The following DCC variants were observed in gnomAD, a reference collection of about 807,000 sequenced individuals.
The protein encoded by DCC is DCC netrin 1 receptor.
A neutral mutation model predicts 172.5 loss-of-function variants in DCC; 58 were observed. The ratio of observed to expected loss-of-function variants is 0.34; its 90% CI spans 0.27 to 0.42. The LOEUF (loss-of-function observed/expected upper bound fraction) is 0.42. Ranked by LOEUF, DCC falls within the 10% of genes least tolerant of loss-of-function variation. The pLI, the probability that DCC is intolerant of heterozygous loss-of-function variation, is 1.00. For missense variants in DCC, 1,740 were observed against 1,791.0 expected, an observed-to-expected ratio of 0.97 and a Z score of 0.51; for synonymous variants, 709 against 644.5, an observed-to-expected ratio of 1.10 and a Z score of -1.52.
At chr18:52,620,599 A>G (rs1197951627) in intron 1 of DCC, among the ~76,000 whole-genome samples, 1 of 152,168 alleles carries the variant, frequency 6.6e-6, no homozygotes. Context: ...TTTTACTCTA[A>G]GTTTAATTGT....
chr18:52,889,590 C>A (rs377502302), intron 2 of DCC, among the ~76,000 whole-genome samples: 1 of 152,060 alleles, frequency 6.6e-6, no homozygotes, highest in Non-Finnish European at 1.5e-5. Context: ...TTGGGTTCTA[C>A]GTTTCAGAAA....
chr18:52,430,979 T>C (rs1987602626), intron 1 of DCC, among the ~76,000 whole-genome samples: 1 of 152,030 alleles, frequency 6.6e-6, no homozygotes, highest in African/African-American at 2.4e-5. Flanking sequence ...TCAGAATGAG[T>C]GGTTTAGGTT....
intron 1 of DCC, among the ~76,000 whole-genome samples, chr18:52,494,039 C>G (rs948737265): frequency 6.6e-6 from 1 of 151,932 alleles, no homozygotes; most frequent in Non-Finnish European, 1.5e-5. Flanking sequence ...AATTCTCTTG[C>G]TTTCTGTTTT....
At chr18:52,662,011 T>C (rs2035369227) in intron 1 of DCC, among the ~76,000 whole-genome samples, 1 of 152,180 alleles carries the variant, frequency 6.6e-6, no homozygotes, top group African/African-American at 2.4e-5. Context: ...ATTGAGGAAA[T>C]ATCTCACAAT....
intron 7 of DCC, among the ~76,000 whole-genome samples, chr18:53,137,551 A>G (rs1401897949): frequency 3.3e-5 from 5 of 152,186 alleles, no homozygotes; most frequent in Admixed American, 1.3e-4. Context: ...TTGCCATGTA[A>G]TGTAATCTAA....
chr18:52,756,955 T>C (rs2037085701), intron 2 of DCC: 1 of 152,288 alleles, frequency 6.6e-6, no homozygotes, highest in Non-Finnish European at 1.5e-5. Flanking sequence ...TGCAAAATAT[T>C]TTTTTTCAGG....
intron 1 of DCC, among the ~76,000 whole-genome samples, chr18:52,565,369 C>T (rs1474030246): frequency 6.6e-6 from 1 of 152,092 alleles, no homozygotes; most frequent in Non-Finnish European, 1.5e-5. Context: ...AACGGGATTG[C>T]TGGATCAAAT....
chr18:53,070,640 C>T (rs746525005), intron 7 of DCC, among the ~76,000 whole-genome samples: 11 of 152,144 alleles, frequency 7.2e-5, no homozygotes, highest in Admixed American at 2.0e-4. Flanking sequence ...CCAGGAAAAT[C>T]TTGAAAATTC....
intron 1 of DCC, among the ~76,000 whole-genome samples, chr18:52,559,033 C>T (rs28635403): frequency 0.28 from 41,879 of 152,050 alleles, 6,601 homozygotes; most frequent in Middle Eastern, 0.37. Context: ...TCCACTACCC[C>T]AAACAAACTA....
At chr18:52,616,742 A>G (rs529486945) in intron 1 of DCC, among the ~76,000 whole-genome samples, 2 of 152,168 alleles carry the variant, frequency 1.3e-5, no homozygotes, top group Non-Finnish European at 2.9e-5. Context: ...ATGCTAAAGC[A>G]ATTGAGAAAA....
chr18:52,489,444 A>G (rs140209337), intron 1 of DCC, among the ~76,000 whole-genome samples: 105 of 152,260 alleles, frequency 6.9e-4, no homozygotes, highest in African/African-American at 2.3e-3. Flanking sequence ...AAGGCAAAAT[A>G]AAACCAAACA....
At chr18:53,510,776 T>C (rs773350835) in intron 27 of DCC, among the ~76,000 whole-genome samples, 22 of 152,176 alleles carry the variant, frequency 1.4e-4, no homozygotes, top group Non-Finnish European at 3.1e-4. Context: ...ACAGCAGGAA[T>C]ATGCTGATTT....
chr18:52,971,205 C>T (rs541803638), intron 5 of DCC, among the ~76,000 whole-genome samples: 2 of 152,150 alleles, frequency 1.3e-5, no homozygotes, highest in Non-Finnish European at 2.9e-5. Flanking sequence ...ATTGAATTTT[C>T]CCAGAATTCC....
intron 12 of DCC, among the ~76,000 whole-genome samples, chr18:53,272,182 C>A (rs895999119): frequency 3.3e-5 from 5 of 152,052 alleles, no homozygotes; most frequent in Non-Finnish European, 7.4e-5. Flanking sequence ...CCTTTTAGTA[C>A]ATGTCTGTTT....
intron 12 of DCC, among the ~76,000 whole-genome samples, chr18:53,236,752 T>C (rs2056207985): frequency 6.6e-6 from 1 of 152,108 alleles, no homozygotes. Context: ...AATTTTTGTG[T>C]ATAGATTAAG....
At chr18:53,179,525 T>A (rs1399925386) in intron 9 of DCC, among the ~76,000 whole-genome samples, 1 of 152,222 alleles carries the variant, frequency 6.6e-6, no homozygotes, top group Non-Finnish European at 1.5e-5. Context: ...ATCCAGGGAC[T>A]AATTTAAAAG....
intron 5 of DCC, 143 bp downstream of exon 5, chr18:52,925,513 T>A (rs1258578980): frequency 7.1e-6 from 6 of 840,570 alleles, no homozygotes; most frequent in Non-Finnish European, 1.2e-5. Context: ...GTCCTTGCTT[T>A]GCTCTGATTA....
chr18:53,493,090 T>A (rs2045977646), intron 26 of DCC, among the ~76,000 whole-genome samples: 1 of 152,198 alleles, frequency 6.6e-6, no homozygotes, highest in Admixed American at 6.5e-5. Context: ...GTAGCAATTG[T>A]GAATGGGAGT....
At chr18:52,798,486 G>T (rs554780866) in intron 2 of DCC, among the ~76,000 whole-genome samples, 1 of 152,114 alleles carries the variant, frequency 6.6e-6, no homozygotes. Context: ...TTACAGGCAT[G>T]AGCCACTGCA....
Sources: gnomAD v4.1 joint callset for allele counts (sites outside exome capture counted in the v4.1 genomes callset) on GRCh38, gnomAD v4.1.1 for gene constraint, MANE v1.5 for transcripts, NCBI Gene and HGNC (gene_info 2026-07-23, HGNC 2026-07-21) for gene names.